The following SND1 variants were observed in gnomAD, a reference collection of about 807,000 sequenced individuals.
SND1 encodes staphylococcal nuclease and tudor domain containing 1.
Under a neutral mutation model 121.7 loss-of-function variants are expected in SND1, and 38 were observed. That is an observed-to-expected ratio of 0.31 (90% CI 0.24 to 0.41). The LOEUF is 0.41. SND1 is among the 10% of genes least tolerant of loss of function. SND1 has a pLI of 1.00. For synonymous variants in SND1, 401 were observed against 447.4 expected (o/e 0.90, Z 1.31); for missense variants, 868 against 1,184.6 (o/e 0.73, Z 3.92).
intron 10 of SND1, among the ~76,000 whole-genome samples, chr7:127,756,186 G>A (rs1199221431): frequency 6.6e-6 from 1 of 152,170 alleles, no homozygotes; most frequent in African/African-American, 2.4e-5. Context: ...TCTAGAGTTT[G>A]GTTGTCAGTT....
chr7:127,959,788 T>G (rs1801684781), intron 15 of SND1, among the ~76,000 whole-genome samples: 1 of 152,204 alleles, frequency 6.6e-6, no homozygotes, highest in Non-Finnish European at 1.5e-5. Flanking sequence ...TTTTGTTCAT[T>G]GCTATGTATA....
At chr7:127,893,044 T>C (rs751788450) in intron 13 of SND1, among the ~76,000 whole-genome samples, 2 of 152,152 alleles carry the variant, frequency 1.3e-5, no homozygotes, top group Non-Finnish European at 2.9e-5. Context: ...TTCCAAACTT[T>C]AGGCAGAGCT....
chr7:127,652,404 T>A lies in SND1; in HGVS notation c.31T>A (p.Ser11Thr). Residue 11 changes from serine to threonine, a missense_variant, in exon 1 of 24, where the codon TCC becomes ACC. Coordinates refer to ENST00000354725, the MANE Select transcript of SND1 (RefSeq NM_014390.4). MASSAQSGGS[S>T]GGPAVPTVQR... ...GTCCTCCGCGCAGAGCGGCGGCTCCTCCGGGGGACCCGCGGTCCCCACCGT... is the reference window on the plus strand; with the variant it reads ...GTCCTCCGCGCAGAGCGGCGGCTCCACCGGGGGACCCGCGGTCCCCACCGT... 1 of 1,597,666 alleles carries A rather than the reference T, an allele frequency of 6.3e-7. No homozygotes were observed. The highest frequency in any genetic ancestry group is 8.5e-7 in the Non-Finnish European group (1 of 1,172,916).
chr7:127,920,712 G>C (rs949870341), intron 14 of SND1, among the ~76,000 whole-genome samples: 8 of 152,160 alleles, frequency 5.3e-5, no homozygotes, highest in Admixed American at 5.2e-4. Context: ...TCTCACCCAA[G>C]TTAGAGAAAG....
intron 1 of SND1, among the ~76,000 whole-genome samples, chr7:127,662,604 A>G (rs1795334053): frequency 6.6e-6 from 1 of 152,028 alleles, no homozygotes; most frequent in Non-Finnish European, 1.5e-5. Context: ...TATTTCTTAC[A>G]GGTGTCATGT....
rs755902895 is a variant in SND1, at chr7:128,074,681, G to T, written c.1959G>T (p.Lys653Asn). ...LLSAEEAAKQ[K>N]KEKVWAHYEE... is the part of the protein sequence containing the mutation. ...CTGCCGAGGAGGCCGCAAAGCAGAAGAAAGAGAAGGTACATGTGGCAGCCC... is the reference window on the plus strand; with the variant it reads ...CTGCCGAGGAGGCCGCAAAGCAGAATAAAGAGAAGGTACATGTGGCAGCCC... The change falls in exon 17 of 24, where the codon AAG becomes AAT. Residue 653 changes from lysine to asparagine, a missense_variant. By Grantham distance (94) the Lys-to-Asn change is moderately conservative (BLOSUM62 0). This residue lies in a region of SND1 where 743 missense variants were observed against 1,071.3 expected (regional missense o/e 0.69). Coordinates refer to ENST00000354725, the MANE Select transcript of SND1 (RefSeq NM_014390.4). 3 of 1,610,690 alleles carry T rather than the reference G, an allele frequency of 1.9e-6. No individual in the cohort carries two copies. In the South Asian group the frequency reaches 3.3e-5, roughly 18 times the overall value.
intron 1 of SND1, among the ~76,000 whole-genome samples, chr7:127,665,636 G>A (rs1795402766): frequency 6.6e-6 from 1 of 152,206 alleles, no homozygotes; most frequent in Admixed American, 6.5e-5. Flanking sequence ...GGAGGGCTGT[G>A]GTGATAGGTA....
intron 10 of SND1, among the ~76,000 whole-genome samples, chr7:127,779,343 C>A (rs1323255237): frequency 6.6e-6 from 1 of 152,190 alleles, no homozygotes; most frequent in African/African-American, 2.4e-5. Flanking sequence ...AACAGCCAGT[C>A]CTAACTGGCC....
chr7:128,021,668 A>G (rs1029023145), intron 16 of SND1, among the ~76,000 whole-genome samples: 1 of 152,158 alleles, frequency 6.6e-6, no homozygotes, highest in African/African-American at 2.4e-5. Flanking sequence ...GACACAGGGA[A>G]ATGAGGGTTG....
At chr7:128,024,419 C>A (rs1803429396) in intron 16 of SND1, among the ~76,000 whole-genome samples, 1 of 152,210 alleles carries the variant, frequency 6.6e-6, no homozygotes, top group African/African-American at 2.4e-5. Flanking sequence ...TAAGCCCCTG[C>A]TGCTTTGTTG....
At chr7:128,020,294 C>A (rs1307213289) in intron 16 of SND1, among the ~76,000 whole-genome samples, 2 of 152,304 alleles carry the variant, frequency 1.3e-5, no homozygotes, top group East Asian at 3.9e-4. Context: ...CAAAAGGGAA[C>A]TATAAAGGAT....
chr7:127,891,554 T>C (rs1274289786), intron 13 of SND1, among the ~76,000 whole-genome samples: 1 of 152,096 alleles, frequency 6.6e-6, no homozygotes. Flanking sequence ...GGTTGTTTTT[T>C]CCTAGATAGA....
Position 127,884,479 on chromosome 7 carries a change from G to A in SND1, c.1344-3423G>A, listed in dbSNP as rs556230495. Among the ~76,000 whole-genome samples the A allele has an allele frequency of 7.9e-5, 12 of 152,190 alleles. No individual in the cohort carries two copies. In the East Asian group the frequency reaches 1.4e-3, roughly 17 times the overall value. The stretch of plus-strand genomic sequence containing the variant: ...CCACCAGCTGCTCCCAGCCAATAGC[G>A]GAGCGCAACAGAGATACTAAGGCAG... On this transcript the variant is annotated intron_variant, in intron 12 of 23. Transcript: ENST00000354725.
intron 15 of SND1, among the ~76,000 whole-genome samples, chr7:127,936,642 G>A (rs935325957): frequency 6.6e-6 from 1 of 151,826 alleles, no homozygotes; most frequent in Non-Finnish European, 1.5e-5. Flanking sequence ...CGAACTCCTG[G>A]GCTCAAGTAA....
At chr7:128,050,948 G>A (rs532985213) in intron 16 of SND1, among the ~76,000 whole-genome samples, 2 of 152,304 alleles carry the variant, frequency 1.3e-5, no homozygotes, top group East Asian at 1.9e-4. Flanking sequence ...CATTTTGACC[G>A]TAGACTCCAC....
intron 11 of SND1, among the ~76,000 whole-genome samples, chr7:127,832,065 C>G (rs909623139): frequency 1.5e-4 from 23 of 152,134 alleles, no homozygotes; most frequent in Admixed American, 3.3e-4. Flanking sequence ...TGTGTAGCTC[C>G]CACGTGTTCT....
chr7:127,902,801 C>G (rs1800260077), intron 13 of SND1, among the ~76,000 whole-genome samples: 1 of 152,080 alleles, frequency 6.6e-6, no homozygotes, highest in Non-Finnish European at 1.5e-5. Flanking sequence ...ACTGCAACCT[C>G]CACCTCCTGA....
chr7:128,002,047 G>A lies in SND1; in HGVS notation c.1779+10991G>A, dbSNP rs377185297. Among the ~76,000 whole-genome samples the A allele has an allele frequency of 3.9e-5, 6 of 152,342 alleles. No individual in the cohort carries two copies. The South Asian group carries it at 1.0e-3, about 26-fold the overall frequency. On this transcript the variant is annotated intron_variant, in intron 16 of 23. Coordinates refer to ENST00000354725, the MANE Select transcript of SND1 (RefSeq NM_014390.4). Reference sequence around the variant, plus strand: ...TAGGCTGGATCTAGGTATGTGTGTTGTGAGCAGCATTCAGATTAGAATCAA... The same window carrying A: ...TAGGCTGGATCTAGGTATGTGTGTTATGAGCAGCATTCAGATTAGAATCAA...
chr7:127,896,859 C>T (rs1336767228), intron 13 of SND1, among the ~76,000 whole-genome samples: 1 of 152,072 alleles, frequency 6.6e-6, no homozygotes, highest in Non-Finnish European at 1.5e-5. Context: ...ACAGTGCTTG[C>T]TTGCTTTGGC....
Sources: allele counts gnomAD v4.1 joint callset (sites outside exome capture counted in the v4.1 genomes callset), GRCh38; gene constraint gnomAD v4.1.1; regional missense constraint gnomAD v4.1.1; transcripts MANE v1.5; gene names NCBI Gene and HGNC (gene_info 2026-07-23, HGNC 2026-07-21).